DCLK1: variants seen among roughly 807,000 people sequenced by gnomAD.
DCLK1 encodes serine/threonine-protein kinase DCLK1.
A neutral mutation model predicts 86.2 loss-of-function variants in DCLK1; 16 were observed. The ratio of observed to expected loss-of-function variants is 0.19; its 90% confidence interval spans 0.13 to 0.28. The LOEUF is 0.28. DCLK1 is among the 10% of genes least tolerant of loss of function. The pLI, the probability that DCLK1 is intolerant of heterozygous loss-of-function variation, is 1.00. For synonymous variants in DCLK1, 369 were observed against 370.5 expected (o/e 1.00, Z 0.05); for missense variants, 590 against 940.2 (o/e 0.63, Z 4.87).
chr13:36,014,967 G>A (rs1881477280), intron 3 of DCLK1, among the ~76,000 whole-genome samples: 1 of 149,970 alleles, frequency 6.7e-6, no homozygotes, highest in African/African-American at 2.5e-5. Flanking sequence ...GTTCTAATGT[G>A]CCATTATTAA....
chr13:35,939,925 A>C (rs762679992), intron 4 of DCLK1, among the ~76,000 whole-genome samples: 2 of 152,218 alleles, frequency 1.3e-5, no homozygotes, highest in Non-Finnish European at 2.9e-5. Flanking sequence ...GATAAAAGCC[A>C]CTAGAATAAT....
intron 3 of DCLK1, among the ~76,000 whole-genome samples, chr13:36,023,095 T>C (rs753359465): frequency 1.6e-4 from 24 of 152,208 alleles, no homozygotes; most frequent in Non-Finnish European, 2.8e-4. Flanking sequence ...TGGTTTAATA[T>C]CTGTATTAGT....
At chr13:35,897,076 T>A (rs530214545) in intron 4 of DCLK1, among the ~76,000 whole-genome samples, 1 of 152,174 alleles carries the variant, frequency 6.6e-6, no homozygotes, top group Non-Finnish European at 1.5e-5. Flanking sequence ...TTCTTCATTA[T>A]CGGGCCATTG....
intron 3 of DCLK1, among the ~76,000 whole-genome samples, chr13:35,988,723 AGT>A (rs1157468404): frequency 6.6e-6 from 1 of 152,188 alleles, no homozygotes; most frequent in African/African-American, 2.4e-5. Flanking sequence ...CTGAAATACT[AGT>A]GTGTCTTGAC....
intron 3 of DCLK1, among the ~76,000 whole-genome samples, chr13:36,102,854 G>A (rs1593892278): frequency 6.6e-6 from 1 of 152,152 alleles, no homozygotes; most frequent in Non-Finnish European, 1.5e-5. Context: ...ACTATCAGCC[G>A]TAAGTCAGAA....
chr13:36,046,869 C>A (rs538898009), intron 3 of DCLK1, among the ~76,000 whole-genome samples: 1 of 152,166 alleles, frequency 6.6e-6, no homozygotes, highest in African/African-American at 2.4e-5. Context: ...AAGTCAGAAC[C>A]AAGTTTGCAT....
intron 15 of DCLK1, among the ~76,000 whole-genome samples, chr13:35,804,878 G>A (rs958187863): frequency 2.0e-5 from 3 of 152,192 alleles, no homozygotes; most frequent in African/African-American, 7.2e-5. Flanking sequence ...CAGCCACAGA[G>A]GCAGCATCGG....
chr13:35,908,994 T>A (rs1233560419), intron 4 of DCLK1, among the ~76,000 whole-genome samples: 1 of 152,216 alleles, frequency 6.6e-6, no homozygotes, highest in Non-Finnish European at 1.5e-5. Flanking sequence ...TAAAAAGATG[T>A]ATCTCTACAA....
chr13:36,119,188 C>A (rs1593907758), intron 2 of DCLK1, among the ~76,000 whole-genome samples: 2 of 152,118 alleles, frequency 1.3e-5, no homozygotes. Context: ...AGAAACAGTT[C>A]TATATATCCA....
intron 4 of DCLK1, among the ~76,000 whole-genome samples, chr13:35,912,052 A>G (rs1232279636): frequency 6.6e-6 from 1 of 151,844 alleles, no homozygotes; most frequent in African/African-American, 2.4e-5. Context: ...ATTAAATGGA[A>G]TATGTTTCAT....
intron 3 of DCLK1, among the ~76,000 whole-genome samples, chr13:36,070,860 C>G (rs1883948731): frequency 2.0e-5 from 3 of 152,040 alleles, no homozygotes; most frequent in Non-Finnish European, 4.4e-5. Flanking sequence ...CCAGGATGGT[C>G]TCTCTAACTC....
At chr13:36,036,925 G>A (rs543203434) in intron 3 of DCLK1, among the ~76,000 whole-genome samples, 1 of 152,202 alleles carries the variant, frequency 6.6e-6, no homozygotes, top group South Asian at 2.1e-4. Context: ...AGAAATGTCT[G>A]CACTCCCATG....
chr13:35,803,275 T>A (rs2086959369), intron 15 of DCLK1, among the ~76,000 whole-genome samples: 1 of 152,192 alleles, frequency 6.6e-6, no homozygotes, highest in African/African-American at 2.4e-5. Context: ...TCAAGTAAGA[T>A]GCTTCCTAAT....
intron 16 of DCLK1, among the ~76,000 whole-genome samples, chr13:35,790,644 G>A (rs889014155): frequency 3.9e-5 from 6 of 152,130 alleles, no homozygotes; most frequent in East Asian, 1.9e-4. Context: ...CTATCAAAGA[G>A]AAGTCATCAC....
chr13:36,032,133 CT>C (rs376271793), intron 3 of DCLK1, among the ~76,000 whole-genome samples: 52 of 150,740 alleles, frequency 3.4e-4, no homozygotes, highest in African/African-American at 1.2e-3. Flanking sequence ...TTTTTCTTTT[CT>C]TTTTTTTTCT....
intron 3 of DCLK1, among the ~76,000 whole-genome samples, chr13:35,952,504 T>C (rs976639162): frequency 6.6e-6 from 1 of 152,174 alleles, no homozygotes; most frequent in African/African-American, 2.4e-5. Context: ...ATAACAAATG[T>C]GCTAAGGACC....
intron 15 of DCLK1, among the ~76,000 whole-genome samples, chr13:35,795,354 A>T (rs2086786770): frequency 6.6e-6 from 1 of 152,192 alleles, no homozygotes; most frequent in Non-Finnish European, 1.5e-5. Context: ...AAAACAGAAG[A>T]CTGGCCATAA....
chr13:35,951,561 C>T (rs1294089167), intron 3 of DCLK1, among the ~76,000 whole-genome samples: 1 of 151,480 alleles, frequency 6.6e-6, no homozygotes, highest in Non-Finnish European at 1.5e-5. Flanking sequence ...TGCTCTGAAC[C>T]TCTACCCATT....
chr13:35,817,989 G>A (rs1010912315), intron 11 of DCLK1, among the ~76,000 whole-genome samples: 1 of 152,096 alleles, frequency 6.6e-6, no homozygotes, highest in African/African-American at 2.4e-5. Context: ...GACCTTTATA[G>A]AGCCAAAAAT....
Sources: allele counts gnomAD v4.1 joint callset (sites outside exome capture counted in the v4.1 genomes callset), GRCh38; gene constraint gnomAD v4.1.1; transcripts MANE v1.5; gene names NCBI Gene and HGNC (gene_info 2026-07-23, HGNC 2026-07-21).